Variants in SORCS2 observed in about 807,000 individuals in gnomAD.
The protein encoded by SORCS2 is sortilin related VPS10 domain containing receptor 2, also known as VPS10 domain-containing receptor SorCS2.
SORCS2 carries 100 observed loss-of-function variants against 141.6 expected under a neutral mutation model. That is an observed-to-expected ratio of 0.71 (90% CI 0.60 to 0.83). The LOEUF (loss-of-function observed/expected upper bound fraction) is 0.83. Among genes scored for constraint, SORCS2 ranks in the 40% least tolerant of loss-of-function variants. The pLI is 0.00. For missense variants in SORCS2, 1,646 were observed against 1,560.2 expected, an observed-to-expected ratio of 1.05 and a Z score of -0.93; for synonymous variants, 789 against 676.9, an observed-to-expected ratio of 1.17 and a Z score of -2.57.
At chr4:7,341,747 T>C (rs914066373) in intron 1 of SORCS2, among the ~76,000 whole-genome samples, 1 of 152,174 alleles carries the variant, frequency 6.6e-6, no homozygotes, top group Admixed American at 6.5e-5. Flanking sequence ...AAGTGTGGCT[T>C]CAGTGGTATT....
At chr4:7,643,019 C>T (rs116114996) in intron 4 of SORCS2, among the ~76,000 whole-genome samples, 2,203 of 152,296 alleles carry the variant, frequency 0.014, 58 homozygotes, top group African/African-American at 0.05. Flanking sequence ...CAGATTTGTG[C>T]AAAGCCAAAG....
intron 21 of SORCS2, among the ~76,000 whole-genome samples, chr4:7,727,440 T>A (rs1337965936): frequency 1.4e-5 from 2 of 146,564 alleles, no homozygotes; most frequent in African/African-American, 5.1e-5. Flanking sequence ...CCCCCCCCCC[T>A]TGTCAAGGAG....
intron 3 of SORCS2, among the ~76,000 whole-genome samples, chr4:7,635,033 A>C (rs1192525310): frequency 6.6e-6 from 1 of 152,214 alleles, no homozygotes; most frequent in Non-Finnish European, 1.5e-5. Flanking sequence ...GGATCCTGGG[A>C]CAGGAAGAGG....
chr4:7,357,532 G>A (rs528730607), intron 1 of SORCS2, among the ~76,000 whole-genome samples: 2 of 152,206 alleles, frequency 1.3e-5, no homozygotes, highest in African/African-American at 4.8e-5. Context: ...CGCACTTCAC[G>A]CGGAAATAAT....
intron 2 of SORCS2, among the ~76,000 whole-genome samples, chr4:7,453,680 T>C (rs1320025492): frequency 1.6e-4 from 17 of 103,808 alleles, no homozygotes; most frequent in African/African-American, 5.9e-4. Context: ...TGGGTTCAGG[T>C]GCTGTGTTGG....
intron 1 of SORCS2, among the ~76,000 whole-genome samples, chr4:7,298,549 T>A (rs1011389101): frequency 1.3e-5 from 2 of 152,144 alleles, no homozygotes; most frequent in Non-Finnish European, 2.9e-5. Flanking sequence ...GGCTTCTTTG[T>A]GGACAGCATG....
At chr4:7,390,996 C>A (rs1243930680) in intron 1 of SORCS2, among the ~76,000 whole-genome samples, 2 of 152,122 alleles carry the variant, frequency 1.3e-5, no homozygotes. Flanking sequence ...CCTTGGGCGT[C>A]TATGTTCTGA....
intron 2 of SORCS2, chr4:7,431,940 A>G (rs1212272006): frequency 6.6e-6 from 1 of 152,236 alleles, no homozygotes; most frequent in East Asian, 1.9e-4. Flanking sequence ...CAGGTGAAAT[A>G]CCAGCTTCCA....
chr4:7,507,322 G>C (rs781225503), intron 2 of SORCS2, among the ~76,000 whole-genome samples: 3 of 152,074 alleles, frequency 2.0e-5, no homozygotes, highest in African/African-American at 7.2e-5. Context: ...TTACAGGCGC[G>C]TGCCACCACG....
At chr4:7,602,853 C>T (rs1037035216) in intron 3 of SORCS2, among the ~76,000 whole-genome samples, 25 of 152,346 alleles carry the variant, frequency 1.6e-4, no homozygotes, top group South Asian at 6.2e-4. Context: ...CGCCACTGCA[C>T]TCCAGCCTGG....
intron 1 of SORCS2, among the ~76,000 whole-genome samples, chr4:7,346,552 A>G (rs1343150281): frequency 2.0e-5 from 3 of 152,214 alleles, no homozygotes; most frequent in African/African-American, 7.2e-5. Context: ...CAACTAGGTT[A>G]AGTCAGTTGA....
intron 2 of SORCS2, among the ~76,000 whole-genome samples, chr4:7,419,843 C>G (rs1204940489): frequency 6.6e-6 from 1 of 152,226 alleles, no homozygotes; most frequent in African/African-American, 2.4e-5. Context: ...GCTGCTGTAG[C>G]AAACAGCCCC....
At chr4:7,650,188 G>T (rs1413820217) in intron 4 of SORCS2, among the ~76,000 whole-genome samples, 1 of 152,168 alleles carries the variant, frequency 6.6e-6, no homozygotes, top group East Asian at 1.9e-4. Context: ...GGTGACCCTG[G>T]GTGAATCACT....
At chr4:7,272,067 T>C (rs1715177935) in intron 1 of SORCS2, among the ~76,000 whole-genome samples, 1 of 152,222 alleles carries the variant, frequency 6.6e-6, no homozygotes, top group South Asian at 2.1e-4. Context: ...GGGTTTCCAA[T>C]GGGAGGTGCT....
At chr4:7,671,941 C>CTT (rs34912914) in intron 8 of SORCS2, among the ~76,000 whole-genome samples, 34 of 128,592 alleles carry the variant, frequency 2.6e-4, no homozygotes, top group Non-Finnish European at 4.2e-4. Context: ...AAGACAGAAA[C>CTT]TTTTTTTTTT....
chr4:7,231,100 CT>C (rs775095124), intron 1 of SORCS2, among the ~76,000 whole-genome samples: 4 of 152,226 alleles, frequency 2.6e-5, no homozygotes, highest in Non-Finnish European at 5.9e-5. Context: ...TTATAAGGAA[CT>C]GGCTCACATA....
intron 11 of SORCS2, among the ~76,000 whole-genome samples, chr4:7,692,684 A>G (rs541814060): frequency 1.3e-5 from 2 of 152,180 alleles, no homozygotes. Context: ...GTGTTCCTAC[A>G]AGATGGTCCA....
chr4:7,466,278 G>T (rs563090543), intron 2 of SORCS2, among the ~76,000 whole-genome samples: 90 of 152,252 alleles, frequency 5.9e-4, no homozygotes, highest in Non-Finnish European at 1.1e-3. Context: ...CCTCCTTGTG[G>T]CTCTGCCCTC....
At chr4:7,226,796 C>T (rs940671343) in intron 1 of SORCS2, among the ~76,000 whole-genome samples, 4 of 152,284 alleles carry the variant, frequency 2.6e-5, no homozygotes, top group Non-Finnish European at 4.4e-5. Context: ...CACGCCTGCT[C>T]CCCAGGCCAC....
Sources: gnomAD v4.1 joint callset for allele counts (sites outside exome capture counted in the v4.1 genomes callset) on GRCh38, gnomAD v4.1.1 for gene constraint, MANE v1.5 for transcripts, NCBI Gene and HGNC (gene_info 2026-07-23, HGNC 2026-07-21) for gene names.